Variants in BARHL1 observed in about 807,000 individuals in gnomAD.
BARHL1 encodes BarH like homeobox 1.
A neutral mutation model predicts 20.1 loss-of-function variants in BARHL1; 2 were observed. The observed-to-expected ratio is 0.10, with a 90% CI of 0.04 to 0.31. The LOEUF is 0.31. Among genes scored for constraint, BARHL1 ranks in the 10% least tolerant of loss-of-function variants. The probability of loss-of-function intolerance (pLI) is 1.00; values close to 1 mark genes in which losing one functional copy is unlikely to be tolerated. For synonymous variants in BARHL1, 213 were observed against 209.9 expected (o/e 1.01, Z -0.13); for missense variants, 397 against 454.0 (o/e 0.87, Z 1.14).
rs750773376 is a variant in BARHL1 at position 132,583,187 on chromosome 9, G to A, written c.390G>A (p.Ala130=). The A allele has an allele frequency of 6.8e-6, 11 of 1,613,298 alleles. No homozygotes were observed. The highest frequency in any genetic ancestry group is 2.2e-5 in the East Asian group (1 of 44,896). Residue 130 remains alanine (A), a synonymous_variant, in exon 1 of 3, where the codon GCG becomes GCA. Coordinates refer to ENST00000263610, the MANE Select transcript of BARHL1 (RefSeq NM_020064.4). ...PAAPEPGGRL[A]AKAAEDFRDK... The stretch of plus-strand genomic sequence containing the variant: ...CCCCTGAGCCTGGGGGCCGCCTTGC[G>A]GCCAAGGCCGCGGAGGACTTTAGAG...
At chr9:132,584,775 C>G (rs1438007715) in intron 1 of BARHL1, among the ~76,000 whole-genome samples, 1 of 152,150 alleles carries the variant, frequency 6.6e-6, no homozygotes, top group Non-Finnish European at 1.5e-5. Flanking sequence ...TCCCCAGGCC[C>G]GGGCCCAGTG....
rs568039415 is a variant in BARHL1, at chr9:132,587,208, G to A, written c.467-121G>A. 13 of 965,896 alleles carry A rather than the reference G, an allele frequency of 1.3e-5. No homozygotes were observed. Among genetic ancestry groups the A allele is most frequent in the African/African-American group, 9.7e-5 (6 of 61,992 alleles). The allele number at this position is 965,896 out of a possible 1,614,324, so 59.8% of individuals were successfully genotyped here. On this transcript the variant is annotated intron_variant, in intron 1 of 2. Transcript: ENST00000263610. The surrounding 1 kb of genome is among the most constrained non-coding windows in gnomAD (Gnocchi z 5.5). ...TCCCGTCTGAGAGCGGCCCCCGCGAGCTTGGGTGTCGCGGAACCACCGCTG... is the reference window on the plus strand; with the variant it reads ...TCCCGTCTGAGAGCGGCCCCCGCGAACTTGGGTGTCGCGGAACCACCGCTG...
At chr9:132,585,383 G>A (rs1054585069) in intron 1 of BARHL1, among the ~76,000 whole-genome samples, 7 of 152,218 alleles carry the variant, frequency 4.6e-5, no homozygotes, top group African/African-American at 1.7e-4. Context: ...CGCCTTCCAA[G>A]CTGAGTCATT....
chr9:132,583,117 C>T lies in BARHL1; in HGVS notation c.320C>T (p.Pro107Leu). The T allele has an allele frequency of 1.9e-6, 3 of 1,613,842 alleles. No homozygotes were observed. The highest frequency in any genetic ancestry group is 2.5e-6 in the Non-Finnish European group (3 of 1,179,972). ...LIRDILADCK[P>L]LAACAPYSSS... The stretch of plus-strand genomic sequence containing the variant: ...AGGGACATCCTTGCCGACTGCAAAC[C>T]ACTCGCGGCCTGTGCACCCTACTCT... The change falls in exon 1 of 3, where the codon CCA becomes CTA. Residue 107 changes from proline (P) to leucine (L), a missense_variant. Around this residue, in one of 3 missense-constraint regions of BARHL1, gnomAD observed 272 missense variants for 298.7 expected, o/e 0.91. Coordinates refer to ENST00000263610, the MANE Select transcript of BARHL1 (RefSeq NM_020064.4).
rs541411887 is a variant in BARHL1 at position 132,587,612 on chromosome 9, G to A, written c.689+61G>A. 2.7e-6 allele frequency: 4 copies of A among 1,477,936 alleles called. No homozygotes were observed. The highest frequency in any genetic ancestry group is 9.2e-7 in the Non-Finnish European group (1 of 1,084,742). 91.6% of individuals were successfully genotyped at this position (1,477,936 alleles called of 1,614,324 possible). ...AACTTCCCCTTTCCTCACAGCTCCT[G>A]GAGGGGACCAGGAGTCTACAGGTTG... On this transcript the variant is annotated intron_variant, in intron 2 of 2. Transcript: ENST00000263610. The surrounding 1 kb of genome is among the most constrained non-coding windows in gnomAD (Gnocchi z 5.5).
rs1251708849 is a variant in BARHL1 at position 132,583,162 on chromosome 9, C to T, written c.365C>T (p.Ala122Val). 1 of 1,613,742 alleles carries T rather than the reference C, an allele frequency of 6.2e-7. No individual in the cohort carries two copies. The highest frequency in any genetic ancestry group is 1.1e-5 in the South Asian group (1 of 91,080). ...APYSSSGQPA[A>V]PEPGGRLAAK... The stretch of plus-strand genomic sequence containing the variant: ...TACTCTAGCAGCGGGCAGCCGGCAG[C>T]CCCTGAGCCTGGGGGCCGCCTTGCG... Residue 122 changes from alanine (A) to valine (V), a missense_variant, in exon 1 of 3, where the codon GCC (alanine) becomes GTC (valine). Transcript: ENST00000263610.
Position 132,589,483 on chromosome 9 carries a change from C to T in BARHL1, c.945C>T (p.Pro315=), listed in dbSNP as rs550911455. 2.9e-5 allele frequency: 43 copies of T among 1,482,092 alleles called. No individual in the cohort carries two copies. The highest frequency in any genetic ancestry group is 1.0e-4 in the Admixed American group (4 of 40,116). The allele number at this position is 1,482,092 out of a possible 1,614,324, so 91.8% of individuals were successfully genotyped here. A position where few individuals can be genotyped will look rare whatever the true frequency, so the allele number is the denominator to read the frequency against. Residue 315 remains proline, a synonymous_variant, in exon 3 of 3, where the codon CCC becomes CCT. Transcript: ENST00000263610. ...GCGAGCCGCCCCCGCCGCTGCCCCC[C>T]CTGGCCGGCGTCCTCCCACGCGCCG... ...GASEPPPPLP[P]LAGVLPRAAQ... is the part of the protein sequence containing the mutation.
chr9:132,589,020 G>T (rs1017383057), intron 2 of BARHL1, among the ~76,000 whole-genome samples: 3 of 152,198 alleles, frequency 2.0e-5, no homozygotes, highest in Admixed American at 6.5e-5. Flanking sequence ...GTAAAGTGGG[G>T]TAAGAGCCAC....
chr9:132,588,367 C>T (rs191188958), intron 2 of BARHL1, among the ~76,000 whole-genome samples: 3 of 152,140 alleles, frequency 2.0e-5, no homozygotes, highest in Admixed American at 2.0e-4. Context: ...CAGAACACAT[C>T]GCCCCATTAA....
chr9:132,586,555 A>C (rs1218387987), intron 1 of BARHL1, among the ~76,000 whole-genome samples: 39 of 152,254 alleles, frequency 2.6e-4, no homozygotes, highest in Admixed American at 2.6e-3. Flanking sequence ...ACACGATGCC[A>C]CGCAGGTGTA....
At chr9:132,583,877 G>A (rs1036578269) in intron 1 of BARHL1, among the ~76,000 whole-genome samples, 3 of 152,206 alleles carry the variant, frequency 2.0e-5, no homozygotes, top group Admixed American at 6.5e-5. Context: ...GGCTAGTGCA[G>A]AGGGCAGTAC....
intron 2 of BARHL1, 51 bp from the exon 3 acceptor site, chr9:132,589,177 G>C: frequency 6.5e-7 from 1 of 1,545,770 alleles, no homozygotes; most frequent in Non-Finnish European, 8.7e-7. Context: ...GGCTGGGGTC[G>C]CTGGATGCCC....
At position 132,589,391 on chromosome 9, in the gene BARHL1, G is replaced by A; in HGVS notation, c.853G>A (p.Ala285Thr). Residue 285 changes from alanine (A) to threonine (T), a missense_variant, in exon 3 of 3, where the codon GCG (alanine) becomes ACG (threonine). Around this residue, in one of 3 missense-constraint regions of BARHL1, gnomAD observed 121 missense variants for 135.9 expected, o/e 0.89. Transcript: ENST00000263610. ...GCTCTACCTGTACCGCGGCCCCAGC[G>A]CGCCGCCGCCTGCTCTCCAGAGACC... ...AALYLYRGPSAPPPALQRPLV... is the reference protein window; with the variant it reads ...AALYLYRGPSTPPPALQRPLV... 6.2e-7 allele frequency: 1 copy of A among 1,612,506 alleles called. No individual in the cohort carries two copies. Among genetic ancestry groups the A allele is most frequent in the Non-Finnish European group, 8.5e-7 (1 of 1,179,704 alleles).
intron 1 of BARHL1, among the ~76,000 whole-genome samples, chr9:132,586,612 C>T (rs752199737): frequency 5.9e-5 from 9 of 152,232 alleles, no homozygotes; most frequent in Non-Finnish European, 1.3e-4. Flanking sequence ...GGAACGCAGA[C>T]CTGGGCAATG....
chr9:132,586,844 C>T (rs1830149676), intron 1 of BARHL1, among the ~76,000 whole-genome samples: 1 of 152,254 alleles, frequency 6.6e-6, no homozygotes, highest in Non-Finnish European at 1.5e-5. Context: ...GTTTTTGTCC[C>T]TCCACGCAGG....
Position 132,587,606 on chromosome 9 carries a change from G to C in BARHL1, c.689+55G>C. The C allele has an allele frequency of 1.3e-6, 2 of 1,500,260 alleles. No individual in the cohort carries two copies. The highest frequency in any genetic ancestry group is 1.8e-6 in the Non-Finnish European group (2 of 1,103,046). The allele number at this position is 1,500,260 out of a possible 1,614,324, so 92.9% of individuals were successfully genotyped here. A position where few individuals can be genotyped will look rare whatever the true frequency, so the allele number is the denominator to read the frequency against. Reference sequence around the variant, plus strand: ...AAAGGGAACTTCCCCTTTCCTCACAGCTCCTGGAGGGGACCAGGAGTCTAC... The same window carrying C: ...AAAGGGAACTTCCCCTTTCCTCACACCTCCTGGAGGGGACCAGGAGTCTAC... On this transcript the variant is annotated intron_variant, in intron 2 of 2. Transcript: ENST00000263610. The surrounding 1 kb of genome is among the most constrained non-coding windows in gnomAD (Gnocchi z 5.5).
rs1156421140 is a variant in BARHL1, at chr9:132,583,020, G to C, written c.223G>C (p.Asp75His). 2 of 1,613,770 alleles carry C rather than the reference G, an allele frequency of 1.2e-6. No individual in the cohort carries two copies. Among genetic ancestry groups the C allele is most frequent in the South Asian group, 1.1e-5 (1 of 91,084 alleles). The change falls in exon 1 of 3, where the codon GAC (aspartate) becomes CAC (histidine). Residue 75 changes from aspartate (D) to histidine (H), a missense_variant. Asp to His is a moderately conservative substitution (Grantham distance 81, BLOSUM62 -1). Transcript: ENST00000263610. Reference sequence around the variant, plus strand: ...TGGCGGGGCATCCGGCCCAGGTTTGGACTCCCACCTGCAGCCCGGGCAGCT... The same window carrying C: ...TGGCGGGGCATCCGGCCCAGGTTTGCACTCCCACCTGCAGCCCGGGCAGCT... ...RPGGASGPGL[D>H]SHLQPGQLSA...
Position 132,587,511 on chromosome 9 carries a change from C to T in BARHL1, c.649C>T (p.Leu217Phe). 6.2e-7 allele frequency: 1 copy of T among 1,612,588 alleles called. No individual in the cohort carries two copies. Among genetic ancestry groups the T allele is most frequent in the Non-Finnish European group, 8.5e-7 (1 of 1,179,548 alleles). Residue 217 changes from leucine (L) to phenylalanine (F), a missense_variant, in exon 2 of 3, where the codon CTC (leucine) becomes TTC (phenylalanine). Around this residue, in one of 3 missense-constraint regions of BARHL1, gnomAD observed 272 missense variants for 298.7 expected, o/e 0.91. Coordinates refer to ENST00000263610, the MANE Select transcript of BARHL1 (RefSeq NM_020064.4). This position sits in a 1 kb window ranked among gnomAD's most constrained non-coding sequence, Gnocchi z 5.5. Reference protein sequence around the residue: ...DRMELAASLNLTDTQVKTWYQ... With the variant: ...DRMELAASLNFTDTQVKTWYQ... ...CATGGAGCTCGCCGCCTCGCTCAAC[C>T]TCACCGACACGCAGGTCAAGACCTG...
In BARHL1 at chr9:132,582,949, C is replaced by T. The variant is rs370488202; in HGVS notation, c.152C>T (p.Pro51Leu). The T allele has an allele frequency of 1.1e-5, 17 of 1,613,780 alleles. No individual in the cohort carries two copies. The highest frequency in any genetic ancestry group is 2.2e-5 in the South Asian group (2 of 91,084). The change falls in exon 1 of 3, where the codon CCA becomes CTA. Residue 51 changes from proline (P) to leucine (L), a missense_variant. By Grantham distance (98) the Pro-to-Leu change is moderately conservative (BLOSUM62 -3). Transcript: ENST00000263610. ...RSESSSDCSSPASPGRDCLET... is the reference protein window; with the variant it reads ...RSESSSDCSSLASPGRDCLET... The stretch of plus-strand genomic sequence containing the variant: ...GAGAGCAGCAGCGACTGCTCTTCGC[C>T]AGCCTCTCCAGGAAGGGACTGTTTG...
Sources: gnomAD v4.1 joint callset for allele counts (sites outside exome capture counted in the v4.1 genomes callset) on GRCh38, gnomAD v4.1.1 for gene constraint, gnomAD v4.1.1 regional missense constraint, Gnocchi (gnomAD v3.1) non-coding constraint, MANE v1.5 for transcripts, NCBI Gene and HGNC (gene_info 2026-07-23, HGNC 2026-07-21) for gene names.